The following SLC2A2 variants were observed in gnomAD, a reference collection of about 807,000 sequenced individuals.
SLC2A2 encodes solute carrier family 2 member 2, also known as solute carrier family 2, facilitated glucose transporter member 2.
Under a neutral mutation model 54.5 loss-of-function variants are expected in SLC2A2, and 36 were observed. The observed-to-expected ratio is 0.66, with a 90% CI of 0.51 to 0.87. The LOEUF (loss-of-function observed/expected upper bound fraction) is 0.87. SLC2A2 is among the 40% of genes least tolerant of loss of function. The pLI, the probability that SLC2A2 is intolerant of heterozygous loss-of-function variation, is 0.00. For missense variants in SLC2A2, 543 were observed against 624.3 expected, an observed-to-expected ratio of 0.87 and a Z score of 1.39; for synonymous variants, 223 against 219.1, an observed-to-expected ratio of 1.02 and a Z score of -0.16.
At chr3:171,022,648 C>T (rs922822777) in intron 1 of SLC2A2, among the ~76,000 whole-genome samples, 1 of 152,206 alleles carries the variant, frequency 6.6e-6, no homozygotes, top group Non-Finnish European at 1.5e-5. Context: ...TAGTGACTGT[C>T]ACCTCCTGCT....
chr3:171,005,919 A>G lies in SLC2A2; in HGVS notation c.775+24T>C, dbSNP rs767299877. Reference sequence around the variant, plus strand: ...TGATAATGCCAAAACAATAGGAAGAAAGAAAAACCATCCACAGACTTACTT... The same window carrying G: ...TGATAATGCCAAAACAATAGGAAGAGAGAAAAACCATCCACAGACTTACTT... On this transcript the variant is annotated intron_variant, in intron 6 of 10. Transcript: ENST00000314251. The G allele has an allele frequency of 2.5e-6, 4 of 1,608,208 alleles. No individual in the cohort carries two copies. In the East Asian group the frequency reaches 8.9e-5, roughly 36 times the overall value.
At chr3:170,998,918 C>G (rs1715218575) in intron 9 of SLC2A2, 147 bp downstream of exon 9, 3 of 710,676 alleles carry the variant, frequency 4.2e-6, no homozygotes, top group Admixed American at 4.3e-5. Flanking sequence ...CTTTATATAT[C>G]TCCTTTGATT....
At chr3:171,006,940 C>G (rs1499821) in intron 5 of SLC2A2, among the ~76,000 whole-genome samples, 1 of 151,752 alleles carries the variant, frequency 6.6e-6, no homozygotes, top group Non-Finnish European at 1.5e-5. Context: ...TACCTTTGAA[C>G]GAAAAACTCT....
At chr3:171,009,226 A>G (rs1315035154) in intron 4 of SLC2A2, among the ~76,000 whole-genome samples, 1 of 152,110 alleles carries the variant, frequency 6.6e-6, no homozygotes, top group African/African-American at 2.4e-5. Context: ...GTTGCCTCTG[A>G]ATGTTTGAAA....
intron 9 of SLC2A2, among the ~76,000 whole-genome samples, chr3:170,998,741 A>G (rs1715211240): frequency 6.6e-6 from 1 of 152,126 alleles, no homozygotes; most frequent in African/African-American, 2.4e-5. Flanking sequence ...GTTCAGGTAC[A>G]TGCCCAAGGT....
intron 6 of SLC2A2, 148 bp from the exon 7 acceptor site, chr3:171,005,620 A>G: frequency 1.4e-6 from 1 of 690,890 alleles, no homozygotes; most frequent in Non-Finnish European, 2.4e-6. Flanking sequence ...GTTAAATTAG[A>G]TCCTGCTCTT....
intron 4 of SLC2A2, among the ~76,000 whole-genome samples, chr3:171,009,047 C>T (rs1202537128): frequency 6.6e-6 from 1 of 152,036 alleles, no homozygotes; most frequent in Admixed American, 6.6e-5. Context: ...CCTTCCCCAT[C>T]CCCATGGATA....
At chr3:171,023,015 C>T (rs951522218) in intron 1 of SLC2A2, among the ~76,000 whole-genome samples, 2 of 152,190 alleles carry the variant, frequency 1.3e-5, no homozygotes, top group African/African-American at 4.8e-5. Context: ...ATCAGTTTCT[C>T]ATTTTATTAG....
Position 170,996,404 on chromosome 3 carries a change from T to TG in SLC2A2, c.*1498_*1499insC, listed in dbSNP as rs1451414993. 3 of 387,312 alleles carry TG rather than the reference T, an allele frequency of 7.7e-6. No individual in the cohort carries two copies. Among genetic ancestry groups the TG allele is most frequent in the African/African-American group, 6.2e-5 (3 of 48,258 alleles). 24.0% of individuals were successfully genotyped at this position (387,312 alleles called of 1,614,324 possible). On this transcript the variant is annotated 3_prime_UTR_variant, in exon 11 of 11. Coordinates refer to ENST00000314251, the MANE Select transcript of SLC2A2 (RefSeq NM_000340.2). ...CTAAATTACATATATGTGAACAACTTTAGAAAACAAAGCAAATGTTCAGTG... is the reference window on the plus strand; with the variant it reads ...CTAAATTACATATATGTGAACAACTTGTAGAAAACAAAGCAAATGTTCAGTG...
chr3:171,020,933 T>A (rs1357565934), intron 1 of SLC2A2, among the ~76,000 whole-genome samples: 1 of 150,826 alleles, frequency 6.6e-6, no homozygotes, highest in Admixed American at 6.6e-5. Flanking sequence ...ACATCTGATA[T>A]TTATCACTTA....
intron 5 of SLC2A2, 89 bp from the exon 6 acceptor site, chr3:171,006,194 T>A: frequency 1.6e-6 from 2 of 1,224,132 alleles, no homozygotes; most frequent in Non-Finnish European, 2.3e-6. Flanking sequence ...TTTGGCTATT[T>A]AATAGTAGTC....
rs1031916395 is a variant in SLC2A2, at chr3:171,019,154, T to C, written c.16-531A>G. 2.0e-4 allele frequency among the ~76,000 whole-genome samples: 18 copies of C among 90,232 alleles called. 1 individual carries two copies. Among genetic ancestry groups the C allele is most frequent in the East Asian group, 9.3e-4 (3 of 3,216 alleles). The allele number at this position is 90,232 out of a possible 152,430, so 59.2% of individuals were successfully genotyped here. On this transcript the variant is annotated intron_variant, in intron 1 of 10. Coordinates refer to ENST00000314251, the MANE Select transcript of SLC2A2 (RefSeq NM_000340.2). ...GTATATATATATATATATATATATA[T>C]ACGTATGTATATATATTCAGAATCA...
chr3:171,016,869 T>C (rs1319278950), intron 2 of SLC2A2, among the ~76,000 whole-genome samples: 1 of 151,398 alleles, frequency 6.6e-6, no homozygotes, highest in African/African-American at 2.4e-5. Context: ...TTTTTTTTTT[T>C]TGAGATGGAG....
At chr3:171,000,912 C>A (rs1179966347) in intron 8 of SLC2A2, among the ~76,000 whole-genome samples, 1 of 151,972 alleles carries the variant, frequency 6.6e-6, no homozygotes, top group Admixed American at 6.6e-5. Flanking sequence ...ACTTTTTGAA[C>A]TTTAAAACAA....
rs5400 is a variant in SLC2A2 at position 171,014,511 on chromosome 3, G to A, written c.329C>T (p.Thr110Ile). The A allele has an allele frequency of 0.14, 230,687 of 1,613,530 alleles. 21,251 individuals are homozygous for A. Among genetic ancestry groups the A allele is most frequent in the African/African-American group, 0.46 (34,507 of 74,912 alleles). ...SVSSFAVGGM[T>I]ASFFGGWLGD... ...AAGCCACCCACCAAAGAATGATGCA[G>A]TCATTCCACCAACTGCAAAGCTGGA... Residue 110 changes from threonine to isoleucine, a missense_variant, in exon 3 of 11, where the codon ACT becomes ATT. Coordinates refer to ENST00000314251, the MANE Select transcript of SLC2A2 (RefSeq NM_000340.2).
chr3:171,009,650 T>C (rs1715781512), intron 4 of SLC2A2, among the ~76,000 whole-genome samples: 1 of 152,106 alleles, frequency 6.6e-6, no homozygotes, highest in Non-Finnish European at 1.5e-5. Context: ...AAGGTAGATA[T>C]TATTATCCAC....
At chr3:171,007,471 AAAG>A (rs768979137) in intron 4 of SLC2A2, 1 of 571,178 alleles carries the variant, frequency 1.8e-6, no homozygotes, top group Non-Finnish European at 3.1e-6. Context: ...ACATGAATAG[AAAG>A]AAATGCTTAG....
At chr3:171,012,600 A>T (rs573437415) in intron 3 of SLC2A2, among the ~76,000 whole-genome samples, 1 of 152,176 alleles carries the variant, frequency 6.6e-6, no homozygotes, top group Non-Finnish European at 1.5e-5. Context: ...TTGCAAGGAA[A>T]CACTTTTTTT....
chr3:171,021,892 C>T (rs1197592700), intron 1 of SLC2A2, among the ~76,000 whole-genome samples: 1 of 152,198 alleles, frequency 6.6e-6, no homozygotes, highest in African/African-American at 2.4e-5. Context: ...AGGTCCTTCT[C>T]ATGTTACATC....
Sources: gnomAD v4.1 joint callset for allele counts (sites outside exome capture counted in the v4.1 genomes callset) on GRCh38, gnomAD v4.1.1 for gene constraint, MANE v1.5 for transcripts, NCBI Gene and HGNC (gene_info 2026-07-23, HGNC 2026-07-21) for gene names.